The following MRPL14 variants were observed in gnomAD, a reference collection of about 807,000 sequenced individuals.
The protein encoded by MRPL14 is large ribosomal subunit protein uL14m.
MRPL14 carries 8 observed loss-of-function variants against 10.9 expected under a neutral mutation model. The ratio of observed to expected loss-of-function variants is 0.74; its 90% CI spans 0.43 to 1.33. The LOEUF (loss-of-function observed/expected upper bound fraction) is 1.33. Among genes scored for constraint, MRPL14 ranks in the 40% most tolerant of loss-of-function variants. MRPL14 has a pLI of 0.01. For missense variants in MRPL14, 179 were observed against 194.5 expected (o/e 0.92, Z 0.47); for synonymous variants, 82 against 74.1 (o/e 1.11, Z -0.54).
At chr6:44,123,326 G>A (rs911394611) in intron 1 of MRPL14, among the ~76,000 whole-genome samples, 1 of 152,240 alleles carries the variant, frequency 6.6e-6, no homozygotes, top group Non-Finnish European at 1.5e-5. Context: ...TTTGCACAGT[G>A]AAGATGCTGC....
Position 44,114,103 on chromosome 6 carries a change from C to T in MRPL14, c.178G>A (p.Val60Ile). Reference protein sequence around the residue: ...PYHRAPRCIHVYKKNGVGKVG... With the variant: ...PYHRAPRCIHIYKKNGVGKVG... ...TTGCCCACTCCATTCTTCTTATAGA[C>T]ATGGATGCAGCGAGGAGCCCGATGG... is the stretch of plus-strand genomic sequence containing the variant. The change falls in exon 3 of 3, where the codon GTC (valine) becomes ATC (isoleucine). Residue 60 changes from valine to isoleucine, a missense_variant. Physicochemically the swap from Val to Ile is conservative, Grantham distance 29. Coordinates refer to ENST00000372014, the MANE Select transcript of MRPL14 (RefSeq NM_032111.4). The T allele has an allele frequency of 6.2e-7, 1 of 1,614,236 alleles. No individual in the cohort carries two copies. Among genetic ancestry groups the T allele is most frequent in the Non-Finnish European group, 8.5e-7 (1 of 1,180,052 alleles).
intron 1 of MRPL14, among the ~76,000 whole-genome samples, chr6:44,117,082 C>G (rs1324495142): frequency 6.6e-6 from 1 of 152,184 alleles, no homozygotes; most frequent in Non-Finnish European, 1.5e-5. Context: ...ATCTAAGCAG[C>G]CACCCAAGTT....
chr6:44,121,958 G>GATTT (rs1776474208), intron 1 of MRPL14, among the ~76,000 whole-genome samples: 1 of 150,390 alleles, frequency 6.6e-6, no homozygotes, highest in African/African-American at 2.4e-5. Flanking sequence ...AAAAAGAACT[G>GATTT]ATTTATAATT....
intron 1 of MRPL14, among the ~76,000 whole-genome samples, chr6:44,120,800 C>T (rs545263685): frequency 6.6e-5 from 10 of 152,262 alleles, no homozygotes; most frequent in Middle Eastern, 3.4e-3. Context: ...ATGGCTCTGA[C>T]GGAGGTAAAT....
At position 44,114,203 on chromosome 6, in the gene MRPL14, AG is replaced by A. The variant is rs1349797425; in HGVS notation, c.77del (p.Thr26MetfsTer4). On this transcript the variant is annotated frameshift_variant, in exon 3 of 3. Transcript: ENST00000372014. LOFTEE classifies it high-confidence loss of function. ...TCTTCTGAATCGCACTCAGACTCCC[AG>A]TGGTGCTGGTGGGAGGAAAAAAAAA... Reference protein sequence around the residue: ...RVLSHHCFSTTGSLSAIQKMT... With the variant: ...RVLSHHCFSTXGSLSAIQKMT... The A allele has an allele frequency of 6.2e-7, 1 of 1,606,620 alleles. No individual in the cohort carries two copies. The highest frequency in any genetic ancestry group is 1.7e-5 in the Admixed American group (1 of 59,758).
chr6:44,124,673 T>C (rs1776763609), intron 1 of MRPL14, among the ~76,000 whole-genome samples: 1 of 152,256 alleles, frequency 6.6e-6, no homozygotes, highest in Admixed American at 6.5e-5. Context: ...TGGTGAATGG[T>C]AAGCTACTTT....
intron 1 of MRPL14, among the ~76,000 whole-genome samples, chr6:44,123,177 TA>T (rs1291866547): frequency 6.6e-6 from 1 of 152,214 alleles, no homozygotes; most frequent in African/African-American, 2.4e-5. Context: ...CTAAGGATTT[TA>T]AATAGTTCTG....
intron 1 of MRPL14, among the ~76,000 whole-genome samples, chr6:44,121,639 G>C (rs1411210088): frequency 6.6e-6 from 1 of 152,224 alleles, no homozygotes. Context: ...TCTCTGTTAG[G>C]TGGACAGAAC....
intron 2 of MRPL14, 112 bp from the exon 3 acceptor site, chr6:44,114,321 G>A (rs1211104802): frequency 1.6e-6 from 2 of 1,274,818 alleles, no homozygotes; most frequent in African/African-American, 3.0e-5. Flanking sequence ...CACACACAGA[G>A]CAGAGTGCTG....
intron 1 of MRPL14, 62 bp from the exon 2 acceptor site, chr6:44,116,691 T>C: frequency 1.7e-6 from 2 of 1,153,408 alleles, no homozygotes; most frequent in Non-Finnish European, 2.6e-6. Context: ...AAGCCAGTTT[T>C]CTTTGGGGAC....
At chr6:44,116,394 G>T in intron 2 of MRPL14, 147 bp downstream of exon 2, 1 of 757,658 alleles carries the variant, frequency 1.3e-6, no homozygotes, top group Non-Finnish European at 2.3e-6. Context: ...AGACCAACCA[G>T]GCCAGCTCAG....
chr6:44,118,293 G>A lies in MRPL14; in HGVS notation c.-18-1664C>T, dbSNP rs192400907. ...TAGTATCTGCCCCCAAGGTAGTTAT[G>A]AGGATTCAATTAGATAAGCCATGCA... is the stretch of plus-strand genomic sequence containing the variant. On this transcript the variant is annotated intron_variant, in intron 1 of 2. Transcript: ENST00000372014. 2.7e-3 allele frequency among the ~76,000 whole-genome samples: 406 copies of A among 152,310 alleles called. 4 individuals carry two copies. The highest frequency in any genetic ancestry group is 9.1e-3 in the African/African-American group (380 of 41,564).
chr6:44,125,227 G>A (rs1387552108), intron 1 of MRPL14, among the ~76,000 whole-genome samples: 2 of 152,200 alleles, frequency 1.3e-5, no homozygotes, highest in Non-Finnish European at 1.5e-5. Flanking sequence ...GCTTGCCCTG[G>A]AAAGTGTCAC....
At chr6:44,117,665 A>T (rs1775977545) in intron 1 of MRPL14, among the ~76,000 whole-genome samples, 2 of 151,790 alleles carry the variant, frequency 1.3e-5, no homozygotes, top group African/African-American at 4.8e-5. Context: ...GACACTCCAT[A>T]CTTTTTTTTC....
At chr6:44,123,126 C>T (rs1040403899) in intron 1 of MRPL14, among the ~76,000 whole-genome samples, 1 of 151,534 alleles carries the variant, frequency 6.6e-6, no homozygotes, top group Non-Finnish European at 1.5e-5. Context: ...GAAACAAAGA[C>T]AAACAGGAAA....
chr6:44,117,144 C>CA (rs1331188802), intron 1 of MRPL14, among the ~76,000 whole-genome samples: 1 of 152,220 alleles, frequency 6.6e-6, no homozygotes, highest in East Asian at 1.9e-4. Flanking sequence ...AACACCTGTA[C>CA]AGCTCAAGGC....
chr6:44,125,571 G>A (rs1776895912), intron 1 of MRPL14, among the ~76,000 whole-genome samples: 1 of 145,698 alleles, frequency 6.9e-6, no homozygotes, highest in South Asian at 2.2e-4. Flanking sequence ...CATAAGAATT[G>A]CTAGATCCCA....
At chr6:44,116,479 C>A (rs1390085792) in intron 2 of MRPL14, 62 bp downstream of exon 2, 4 of 1,532,182 alleles carry the variant, frequency 2.6e-6, no homozygotes, top group Non-Finnish European at 3.6e-6. Flanking sequence ...CACCGTAATA[C>A]CCAGCCCTGA....
intron 1 of MRPL14, among the ~76,000 whole-genome samples, chr6:44,124,969 T>C (rs1169888285): frequency 6.6e-6 from 1 of 152,132 alleles, no homozygotes; most frequent in Non-Finnish European, 1.5e-5. Context: ...AAGACATAAA[T>C]GGAGCAAAAT....
Sources: gnomAD v4.1 joint callset for allele counts (sites outside exome capture counted in the v4.1 genomes callset) on GRCh38, gnomAD v4.1.1 for gene constraint, MANE v1.5 for transcripts, NCBI Gene and HGNC (gene_info 2026-07-23, HGNC 2026-07-21) for gene names.